The following BTRC variants were observed in gnomAD, a reference collection of about 807,000 sequenced individuals.
BTRC encodes F-box/WD repeat-containing protein 1A.
In BTRC, 42 loss-of-function variants were observed where a neutral mutation model predicts 85.5. The observed-to-expected ratio is 0.49, with a 90% CI of 0.38 to 0.64. The LOEUF (loss-of-function observed/expected upper bound fraction) is 0.64, where lower values mean the gene tolerates loss of function less well. BTRC is among the 30% of genes least tolerant of loss of function. BTRC has a pLI of 0.00. For synonymous variants in BTRC, 255 were observed against 263.3 expected, an observed-to-expected ratio of 0.97 and a Z score of 0.30; for missense variants, 594 against 743.5, an observed-to-expected ratio of 0.80 and a Z score of 2.34.
chr10:101,532,081 G>A (rs2062291869), intron 7 of BTRC, among the ~76,000 whole-genome samples: 1 of 152,128 alleles, frequency 6.6e-6, no homozygotes, highest in Non-Finnish European at 1.5e-5. Flanking sequence ...ATTATAGGCA[G>A]GGAAGTTCTA....
At chr10:101,416,855 G>A (rs1456751114) in intron 1 of BTRC, among the ~76,000 whole-genome samples, 1 of 151,856 alleles carries the variant, frequency 6.6e-6, no homozygotes, top group East Asian at 1.9e-4. Context: ...ATTTTATTTA[G>A]CTTCTATAAT....
intron 12 of BTRC, among the ~76,000 whole-genome samples, chr10:101,537,181 A>G (rs1414365922): frequency 6.6e-6 from 1 of 152,212 alleles, no homozygotes; most frequent in East Asian, 1.9e-4. Flanking sequence ...TATGGAATCC[A>G]TTAATTTTGT....
At chr10:101,415,690 C>T (rs949832093) in intron 1 of BTRC, among the ~76,000 whole-genome samples, 11 of 148,874 alleles carry the variant, frequency 7.4e-5, no homozygotes, top group Admixed American at 6.7e-4. Context: ...TACAGGCATG[C>T]GCCACCATGC....
chr10:101,490,100 C>T (rs1442119714), intron 4 of BTRC, among the ~76,000 whole-genome samples: 1 of 128,118 alleles, frequency 7.8e-6, no homozygotes, highest in Admixed American at 7.9e-5. Context: ...TCTCTCCCAC[C>T]CCCATTTTTT....
chr10:101,396,429 A>G (rs554030229), intron 1 of BTRC, among the ~76,000 whole-genome samples: 31 of 138,836 alleles, frequency 2.2e-4, no homozygotes, highest in African/African-American at 8.0e-4. Flanking sequence ...TTTTTTTGGT[A>G]GAGACATGGT....
chr10:101,396,006 C>A (rs1268743335), intron 1 of BTRC, among the ~76,000 whole-genome samples: 2 of 151,772 alleles, frequency 1.3e-5, no homozygotes, highest in African/African-American at 4.8e-5. Flanking sequence ...CAGCTTTTCC[C>A]AGCTCTAGGG....
At position 101,515,756 on chromosome 10, in the gene BTRC, C is replaced by G. The variant is rs903593324; in HGVS notation, c.325-5883C>G. ...TTGATCTCCTGACCTCGTGATCCGC[C>G]CATCTCTGCCTCCCAAAGTGCTTGG... On this transcript the variant is annotated intron_variant, in intron 4 of 14. Transcript: ENST00000370187. 7.2e-5 allele frequency among the ~76,000 whole-genome samples: 11 copies of G among 152,278 alleles called. No homozygotes were observed. The South Asian group carries it at 2.3e-3, about 32-fold the overall frequency.
intron 14 of BTRC, among the ~76,000 whole-genome samples, chr10:101,552,384 A>C (rs1310467286): frequency 2.2e-5 from 3 of 134,680 alleles, no homozygotes; most frequent in Non-Finnish European, 3.2e-5. Context: ...GGAGAGATGG[A>C]GTTTCACCAT....
chr10:101,445,761 A>T (rs1462281387), intron 2 of BTRC, among the ~76,000 whole-genome samples: 1 of 152,240 alleles, frequency 6.6e-6, no homozygotes, highest in Non-Finnish European at 1.5e-5. Context: ...TTATAGCCCC[A>T]GCAGAATTCC....
intron 4 of BTRC, among the ~76,000 whole-genome samples, chr10:101,501,535 A>G (rs775623130): frequency 1.3e-5 from 2 of 152,220 alleles, no homozygotes; most frequent in Non-Finnish European, 2.9e-5. Context: ...TTTTTGATGA[A>G]TGGTTTGTTT....
intron 1 of BTRC, among the ~76,000 whole-genome samples, chr10:101,357,874 G>A (rs910386446): frequency 6.6e-6 from 1 of 152,214 alleles, no homozygotes; most frequent in Non-Finnish European, 1.5e-5. Context: ...GATATTGAAA[G>A]CAACGGTTTA....
chr10:101,382,563 A>C (rs1018394766), intron 1 of BTRC, among the ~76,000 whole-genome samples: 1 of 152,044 alleles, frequency 6.6e-6, no homozygotes, highest in African/African-American at 2.4e-5. Context: ...AAGGCATATA[A>C]TGTCAGTTTG....
chr10:101,550,614 G>A, intron 13 of BTRC, 85 bp from the exon 14 acceptor site: 1 of 1,418,090 alleles, frequency 7.1e-7, no homozygotes, highest in Non-Finnish European at 9.8e-7. Context: ...CCTTTCCGTA[G>A]ACTCCTTTTG....
intron 4 of BTRC, among the ~76,000 whole-genome samples, chr10:101,503,430 C>T (rs1946443182): frequency 6.6e-6 from 1 of 152,164 alleles, no homozygotes. Flanking sequence ...ACTTTACTAA[C>T]TTGTGTGAAT....
intron 2 of BTRC, among the ~76,000 whole-genome samples, chr10:101,440,087 A>G (rs377410478): frequency 1.6e-4 from 25 of 152,246 alleles, no homozygotes; most frequent in African/African-American, 5.3e-4. Context: ...ATTAGGTAAT[A>G]TGGAAGAAAC....
chr10:101,444,303 C>T (rs1944767339), intron 2 of BTRC, among the ~76,000 whole-genome samples: 1 of 152,038 alleles, frequency 6.6e-6, no homozygotes, highest in South Asian at 2.1e-4. Context: ...ATTTTCAATC[C>T]TTGTTGTCTT....
At chr10:101,462,640 T>A (rs75286274) in intron 3 of BTRC, among the ~76,000 whole-genome samples, 1 of 147,816 alleles carries the variant, frequency 6.8e-6, no homozygotes, top group African/African-American at 2.5e-5. Context: ...GATTGCGCCA[T>A]TGCACTCCAG....
chr10:101,537,973 C>T (rs2062411778), intron 12 of BTRC, among the ~76,000 whole-genome samples: 1 of 152,202 alleles, frequency 6.6e-6, no homozygotes, highest in African/African-American at 2.4e-5. Flanking sequence ...GGACCCCAGT[C>T]CCTCAGTACA....
chr10:101,520,491 A>G (rs2062088240), intron 4 of BTRC, among the ~76,000 whole-genome samples: 1 of 152,244 alleles, frequency 6.6e-6, no homozygotes, highest in Non-Finnish European at 1.5e-5. Context: ...TACTTATTGA[A>G]TGAATCAATT....
Sources: allele counts gnomAD v4.1 joint callset (sites outside exome capture counted in the v4.1 genomes callset), GRCh38; gene constraint gnomAD v4.1.1; transcripts MANE v1.5; gene names NCBI Gene and HGNC (gene_info 2026-07-23, HGNC 2026-07-21).